Variants in STS observed in about 807,000 individuals in gnomAD.
STS encodes the protein steryl-sulfatase.
STS carries 7 observed loss-of-function variants against 26.8 expected under a neutral mutation model. The observed-to-expected ratio is 0.26, with a 90% confidence interval of 0.15 to 0.49. The LOEUF (loss-of-function observed/expected upper bound fraction) is 0.49. Among genes scored for constraint, STS ranks in the 20% least tolerant of loss-of-function variants. STS has a pLI of 0.98. For synonymous variants in STS, 199 were observed against 189.4 expected, an observed-to-expected ratio of 1.05 and a Z score of -0.42; for missense variants, 434 against 465.6, an observed-to-expected ratio of 0.93 and a Z score of 0.63.
At chrX:7,346,029 G>A (rs1219081349) in intron 10 of STS, among the ~76,000 whole-genome samples, 2 of 111,034 alleles carry the variant, frequency 1.8e-5, no homozygotes, top group East Asian at 5.7e-4. Context: ...AGAAGCCCCT[G>A]TGGTCCCCAG....
chrX:7,304,401 TGTTA>T (rs1419976302), intron 7 of STS, among the ~76,000 whole-genome samples: 44 of 111,281 alleles, frequency 4.0e-4, no homozygotes, highest in African/African-American at 1.4e-3. Context: ...TGGTATACAA[TGTTA>T]GTTCTGGGGA....
At chrX:7,204,257 C>G (rs1218698313) in intron 2 of STS, among the ~76,000 whole-genome samples, 1 of 111,763 alleles carries the variant, frequency 8.9e-6, no homozygotes, top group Admixed American at 9.5e-5. Context: ...TCTTAATTTT[C>G]TAACCCAAGT....
intron 1 of STS, among the ~76,000 whole-genome samples, chrX:7,164,553 CTCCCAGCCCCCACT>C (rs1201210864): frequency 9.0e-6 from 1 of 110,957 alleles, no homozygotes; most frequent in Non-Finnish European, 1.9e-5. Context: ...TTGTAAGTAG[CTCCCAGCCCCCACT>C]TCCCAGCCAA....
chrX:7,323,524 C>T (rs765234070), intron 8 of STS, among the ~76,000 whole-genome samples: 2 of 111,543 alleles, frequency 1.8e-5, no homozygotes, highest in African/African-American at 6.5e-5. Context: ...TGGCCTCTAG[C>T]TATACCATGT....
chrX:7,316,238 T>TC (rs1926709081), intron 8 of STS, among the ~76,000 whole-genome samples: 1 of 111,690 alleles, frequency 9.0e-6, no homozygotes, highest in South Asian at 3.7e-4. Context: ...CTGTGACACT[T>TC]CCCCCCGATG....
chrX:7,264,242 C>G (rs5934842), intron 6 of STS, among the ~76,000 whole-genome samples: 2 of 111,229 alleles, frequency 1.8e-5, no homozygotes, highest in East Asian at 5.7e-4. Flanking sequence ...GCAGAAACCT[C>G]TCGGATTCTG....
chrX:7,349,933 C>G lies in STS; in HGVS notation c.1409C>G (p.Pro470Arg), dbSNP rs1462758321. 7 of 1,211,833 alleles carry G rather than the reference C, an allele frequency of 5.8e-6. No homozygotes were observed. The highest frequency in any genetic ancestry group is 7.8e-6 in the Non-Finnish European group (7 of 895,478). The change falls in exon 11 of 11, where the codon CCC becomes CGC. Residue 470 changes from proline (P) to arginine (R), a missense_variant. Pro to Arg is a moderately radical substitution (Grantham distance 103). Transcript: ENST00000674429. ...KAFFFTPNFN[P>R]VGSNGCFATH... ...TTTTTCTTCACCCCCAACTTCAACC[C>G]CGTGGGTTCCAACGGATGCTTTGCC...
At chrX:7,197,584 G>T (rs990036509) in intron 2 of STS, among the ~76,000 whole-genome samples, 9 of 111,891 alleles carry the variant, frequency 8.0e-5, no homozygotes, top group African/African-American at 2.6e-4. Flanking sequence ...TTGTGATAAA[G>T]GATTAATTTT....
At chrX:7,267,417 T>A (rs1924057851) in intron 6 of STS, among the ~76,000 whole-genome samples, 1 of 112,152 alleles carries the variant, frequency 8.9e-6, no homozygotes. Flanking sequence ...CACAAACAGC[T>A]TTTTTCTTTA....
chrX:7,295,806 G>C (rs1925636414), intron 7 of STS, among the ~76,000 whole-genome samples: 1 of 111,440 alleles, frequency 9.0e-6, no homozygotes, highest in Non-Finnish European at 1.9e-5. Flanking sequence ...GATTAAGGAG[G>C]TTGCAAAACA....
chrX:7,279,379 A>ATATGTGTGTGTGTGTG (rs1569210909), intron 7 of STS, among the ~76,000 whole-genome samples: 22 of 72,522 alleles, frequency 3.0e-4, no homozygotes, highest in African/African-American at 1.3e-3. Context: ...GTGTGTGTGT[A>ATATGTGTGTGTGTGTG]TATATATGTG....
chrX:7,349,865 G>A (rs774464972), intron 10 of STS, 23 bp from the exon 11 acceptor site: 18 of 1,209,559 alleles, frequency 1.5e-5, no homozygotes, highest in Admixed American at 8.7e-5. Flanking sequence ...ACCTAATGCC[G>A]TTTCCATCCT....
rs189758723 is a variant in STS at position 7,214,323 on chromosome X, C to T, written c.-5+23315C>T. Among the ~76,000 whole-genome samples, 387 of 111,517 alleles carry T rather than the reference C, an allele frequency of 3.5e-3. 3 individuals carry two copies. The highest frequency in any genetic ancestry group is 0.012 in the African/African-American group (370 of 30,664). ...CTATGTCTTCCTTTTCCTAACTTTT[C>T]CATAAAACCATTCCTCCAAAGCCTT... is the stretch of plus-strand genomic sequence containing the variant. On this transcript the variant is annotated intron_variant, in intron 2 of 10. Transcript: ENST00000674429.
chrX:7,254,958 G>A (rs760244745), intron 3 of STS, among the ~76,000 whole-genome samples: 13 of 111,824 alleles, frequency 1.2e-4, no homozygotes, highest in South Asian at 3.7e-4. Flanking sequence ...GCCATGGGGC[G>A]CTGGTTATTT....
intron 10 of STS, among the ~76,000 whole-genome samples, chrX:7,345,141 C>T (rs369084063): frequency 7.2e-5 from 8 of 111,058 alleles, no homozygotes; most frequent in African/African-American, 1.6e-4. Context: ...ACCCTGTTCC[C>T]GGACCAAACC....
chrX:7,208,434 T>G (rs1437150333), intron 2 of STS, among the ~76,000 whole-genome samples: 1 of 112,168 alleles, frequency 8.9e-6, no homozygotes, highest in Non-Finnish European at 1.9e-5. Context: ...TTTAAATATT[T>G]TGTGTTGATA....
rs767355395 is a variant in STS, at chrX:7,180,014, A to T, written c.-133-10866A>T. On this transcript the variant is annotated intron_variant, in intron 1 of 10. Transcript: ENST00000674429. ...TCTACATTGTATGCATATGAAGCAT[A>T]GTCTTCAGATTATAATTCCTAGAGA... Among the ~76,000 whole-genome samples the T allele has an allele frequency of 1.1e-4, 12 of 111,676 alleles. No homozygotes were observed. In the East Asian group the frequency reaches 3.4e-3, roughly 32 times the overall value.
At chrX:7,205,972 G>C (rs777865489) in intron 2 of STS, among the ~76,000 whole-genome samples, 11 of 110,361 alleles carry the variant, frequency 1.0e-4, no homozygotes, top group African/African-American at 3.0e-4. Context: ...GTACCACTCA[G>C]GGTAAAGGCC....
At chrX:7,349,191 C>T (rs1292793789) in intron 10 of STS, among the ~76,000 whole-genome samples, 2 of 97,403 alleles carry the variant, frequency 2.1e-5, no homozygotes, top group Admixed American at 1.2e-4. Context: ...TGGGCTTTAA[C>T]TGTGTTGCCC....
Sources: allele counts gnomAD v4.1 joint callset (sites outside exome capture counted in the v4.1 genomes callset), GRCh38; gene constraint gnomAD v4.1.1; transcripts MANE v1.5; gene names NCBI Gene and HGNC (gene_info 2026-07-23, HGNC 2026-07-21).